Variants in EPHA10 observed in about 807,000 individuals in gnomAD.
EPHA10 encodes the protein ephrin type-A receptor 10.
EPHA10 carries 120 observed loss-of-function variants against 109.7 expected under a neutral mutation model. The ratio of observed to expected loss-of-function variants is 1.09; its 90% CI spans 0.94 to 1.27. EPHA10 has a LOEUF of 1.27. EPHA10 is among the 50% of genes most tolerant of loss of function. EPHA10 has a pLI of 0.00. For synonymous variants in EPHA10, 640 were observed against 618.9 expected (o/e 1.03, Z -0.51); for missense variants, 1,396 against 1,411.1 (o/e 0.99, Z 0.17).
Position 37,765,054 on chromosome 1 carries a change from C to A in EPHA10, c.13G>T (p.Ala5Ser), listed in dbSNP as rs779517653. The A allele has an allele frequency of 1.2e-6, 2 of 1,601,832 alleles. No individual in the cohort carries two copies. The highest frequency in any genetic ancestry group is 1.7e-6 in the Non-Finnish European group (2 of 1,176,652). METCAGPHPLRLFLC... is the reference protein window; with the variant it reads METCSGPHPLRLFLC... ...AAGAGGCGCAGCGGGTGTGGACCGG[C>A]GCAGGTCTCCATGGTCCGCAGACCG... Residue 5 changes from alanine (A) to serine (S), a missense_variant, in exon 1 of 17, where the codon GCC becomes TCC. Coordinates refer to ENST00000373048, the MANE Select transcript of EPHA10 (RefSeq NM_001099439.2).
At position 37,733,801 on chromosome 1, in the gene EPHA10, ACTCT is replaced by A. The variant is rs377178861; in HGVS notation, c.1491+1452_1491+1455del. ...TATGCTGAGAGCCCCCAACACTCTCACTCTCTCTCTCTCTCTTTCTCTCCCTTTC... is the reference window on the plus strand; with the variant it reads ...TATGCTGAGAGCCCCCAACACTCTCACTCTCTCTCTCTTTCTCTCCCTTTC... On this transcript the variant is annotated intron_variant, in intron 6 of 16. Coordinates refer to ENST00000373048, the MANE Select transcript of EPHA10 (RefSeq NM_001099439.2). Among the ~76,000 whole-genome samples, 3 of 143,986 alleles carry A rather than the reference ACTCT, an allele frequency of 2.1e-5. No homozygotes were observed. The East Asian group carries it at 6.1e-4, about 29-fold the overall frequency. The allele number at this position is 143,986 out of a possible 152,430, so 94.5% of individuals were successfully genotyped here.
chr1:37,761,869 T>C lies in EPHA10; in HGVS notation c.386A>G (p.Tyr129Cys), dbSNP rs1382706600. Reference protein sequence around the residue: ...AGTCKETFNVYYLETEADLGR... With the variant: ...AGTCKETFNVCYLETEADLGR... The stretch of plus-strand genomic sequence containing the variant: ...CAGGTCGGCCTCAGTTTCCAGGTAG[T>C]AGACGTTGAAGGTCTCCTTGCAGGT... Residue 129 changes from tyrosine to cysteine, a missense_variant, in exon 3 of 17, where the codon TAC (tyrosine) becomes TGC (cysteine). Physicochemically the swap from Tyr to Cys is radical, Grantham distance 194. Coordinates refer to ENST00000373048, the MANE Select transcript of EPHA10 (RefSeq NM_001099439.2). 1.2e-6 allele frequency: 2 copies of C among 1,612,530 alleles called. No homozygotes were observed. The highest frequency in any genetic ancestry group is 2.2e-5 in the East Asian group (1 of 44,850).
chr1:37,751,681 G>A (rs1050040128), intron 5 of EPHA10, among the ~76,000 whole-genome samples: 1 of 151,098 alleles, frequency 6.6e-6, no homozygotes, highest in Non-Finnish European at 1.5e-5. Flanking sequence ...AGACCATCCT[G>A]GCCAACATGG....
intron 16 of EPHA10, 35 bp downstream of exon 16, chr1:37,718,626 C>A (rs1359163453): frequency 1.2e-6 from 2 of 1,612,962 alleles, no homozygotes; most frequent in African/African-American, 2.7e-5. Context: ...TGGAATCCCC[C>A]AGCCCCGGCC....
Position 37,741,968 on chromosome 1 carries a change from C to T in EPHA10, c.1358-6578G>A, listed in dbSNP as rs369308115. On this transcript the variant is annotated intron_variant, in intron 5 of 16. Transcript: ENST00000373048. ...TTCTAGGAGGTGGCAAAGTTCCTTG[C>T]GAATACAGATGGGGCAGAGATGGAA... Among the ~76,000 whole-genome samples the T allele has an allele frequency of 1.4e-4, 21 of 152,112 alleles. No individual in the cohort carries two copies. The South Asian group carries it at 1.7e-3, about 12-fold the overall frequency.
chr1:37,742,092 G>T (rs1646163981), intron 5 of EPHA10, among the ~76,000 whole-genome samples: 1 of 152,232 alleles, frequency 6.6e-6, no homozygotes, highest in Admixed American at 6.5e-5. Flanking sequence ...GCTCCGAAGA[G>T]ATAATTAGAT....
Position 37,719,983 on chromosome 1 carries a change from A to G in EPHA10, c.2488T>C (p.Trp830Arg). The G allele has an allele frequency of 1.2e-6, 2 of 1,614,066 alleles. No homozygotes were observed. The highest frequency in any genetic ancestry group is 1.7e-6 in the Non-Finnish European group (2 of 1,180,026). The change falls in exon 14 of 17, where the codon TGG becomes CGG. Residue 830 changes from tryptophan to arginine, a missense_variant. Physicochemically the swap from Trp to Arg is moderately radical, Grantham distance 101 (BLOSUM62 -3). Transcript: ENST00000373048. ...TCCCACATGATGATGCCGAAGCTCC[A>G]CACGTCACTGGCAGAGCTGAAGTGG... ...FGHFSSASDV[W>R]SFGIIMWEVM...
chr1:37,719,854 G>A, intron 14 of EPHA10, 55 bp downstream of exon 14: 1 of 1,613,110 alleles, frequency 6.2e-7, no homozygotes, highest in South Asian at 1.1e-5. Context: ...TCAGGAAGCT[G>A]GGGCCTGAGC....
Position 37,718,810 on chromosome 1 carries a change from G to A in EPHA10, c.2763C>T (p.Pro921=). ...AGAAGGCACGGTCCGCTAGTGGGGT[G>A]GGAGGCCTGCGGGTCAGAGGAGCTG... ...KCALTTCPRP[P]TPLADRAFST... is the part of the protein sequence containing the mutation. Residue 921 remains proline, a synonymous_variant, in exon 16 of 17, where the codon CCC becomes CCT. Transcript: ENST00000373048. 6.2e-7 allele frequency: 1 copy of A among 1,610,774 alleles called. No individual in the cohort carries two copies. Among genetic ancestry groups the A allele is most frequent in the South Asian group, 1.1e-5 (1 of 90,810 alleles).
At chr1:37,762,108 G>A in intron 2 of EPHA10, 25 bp from the exon 3 acceptor site, 3 of 1,541,326 alleles carry the variant, frequency 1.9e-6, no homozygotes, top group Non-Finnish European at 2.6e-6. Context: ...AAAGGGGTGG[G>A]CAGCCCAGAG....
At chr1:37,722,951 A>G in intron 10 of EPHA10, 90 bp downstream of exon 10, 1 of 1,590,684 alleles carries the variant, frequency 6.3e-7, no homozygotes, top group Non-Finnish European at 8.6e-7. Flanking sequence ...GGTGGGCTTC[A>G]GGATAGAGGT....
chr1:37,718,175 C>A lies in EPHA10; in HGVS notation c.*197G>T. 1.7e-6 allele frequency: 1 copy of A among 586,540 alleles called. No homozygotes were observed. The allele number at this position is 586,540 out of a possible 1,614,324, so 36.3% of individuals were successfully genotyped here. On this transcript the variant is annotated 3_prime_UTR_variant, in exon 17 of 17. Transcript: ENST00000373048. ...CCTCTTTTCAGGGGCACTGAGTTAGCCAAGGCGTTCAGACTCGTGAAAATG... is the reference window on the plus strand; with the variant it reads ...CCTCTTTTCAGGGGCACTGAGTTAGACAAGGCGTTCAGACTCGTGAAAATG...
chr1:37,721,737 C>T lies in EPHA10; in HGVS notation c.2069G>A (p.Gly690Asp). 1 of 1,612,554 alleles carries T rather than the reference C, an allele frequency of 6.2e-7. No homozygotes were observed. The part of the protein sequence containing the change: ...RDSASDSQRL[G>D]FLAEALTLGQ... ...CAGCGTGAGGGCCTCGGCCAGGAAG[C>T]CGAGCCTCTGTGAGTCGGAGGCGCT... The change falls in exon 11 of 17, where the codon GGC becomes GAC. Residue 690 changes from glycine (G) to aspartate (D), a missense_variant. Coordinates refer to ENST00000373048, the MANE Select transcript of EPHA10 (RefSeq NM_001099439.2).
rs1557529306 is a variant in EPHA10, at chr1:37,720,516, C to T, written c.2247G>A (p.Gly749=). Residue 749 remains glycine, a synonymous_variant, in exon 13 of 17, where the codon GGG becomes GGA. Transcript: ENST00000373048. Reference sequence around the variant, plus strand: ...TGGCTGATGCCAGCCCAGGCAGCAACCCCATCAGTTGCCCAGCCACCAGCT... The same window carrying T: ...TGGCTGATGCCAGCCCAGGCAGCAATCCCATCAGTTGCCCAGCCACCAGCT... ...EGQLVAGQLM[G]LLPGLASAMK... The T allele has an allele frequency of 6.2e-7, 1 of 1,612,824 alleles. No individual in the cohort carries two copies. The highest frequency in any genetic ancestry group is 2.2e-5 in the East Asian group (1 of 44,824).
At chr1:37,760,565 G>T in intron 3 of EPHA10, 2 of 498,478 alleles carry the variant, frequency 4.0e-6, no homozygotes, top group Non-Finnish European at 5.5e-6. Context: ...CAAGTATTTG[G>T]TCCGTGACTG....
intron 6 of EPHA10, chr1:37,734,691 T>C (rs1456741223): frequency 1.1e-5 from 5 of 452,064 alleles, no homozygotes; most frequent in East Asian, 1.4e-4. Flanking sequence ...AAGTATCCTA[T>C]GGGGATCAAT....
intron 15 of EPHA10, 21 bp downstream of exon 15, chr1:37,719,393 C>T (rs760777175): frequency 3.2e-6 from 5 of 1,586,116 alleles, no homozygotes; most frequent in Admixed American, 1.8e-5. Context: ...GAGAGGCTGG[C>T]TGTCCCATGT....
At chr1:37,763,495 T>A (rs1038799294) in intron 1 of EPHA10, among the ~76,000 whole-genome samples, 6 of 152,090 alleles carry the variant, frequency 3.9e-5, no homozygotes, top group South Asian at 4.1e-4. Flanking sequence ...AAGCTAACAT[T>A]CACGGTTCTA....
Position 37,753,011 on chromosome 1 carries a change from G to A in EPHA10, c.1222C>T (p.Arg408Ter). The A allele has an allele frequency of 4.1e-6, 5 of 1,227,112 alleles. No individual in the cohort carries two copies. The highest frequency in any genetic ancestry group is 6.5e-4 in the Middle Eastern group (2 of 3,094). 76.0% of individuals were successfully genotyped at this position (1,227,112 alleles called of 1,614,324 possible). A position where few individuals can be genotyped will look rare whatever the true frequency, so the allele number is the denominator to read the frequency against. The part of the protein sequence containing the change: ...FLPRQAGLRE[R>*]AATLLHLRPG... ...CGCAGGTGCAGCAGCGTGGCGGCTC[G>A]CTCCCGCAGCCCTGCCTGGCGCGGT... Residue 408 changes from arginine (R) to a stop codon, truncating the protein, a stop_gained, in exon 5 of 17, where the codon CGA (arginine) becomes TGA (stop). Transcript: ENST00000373048. LOFTEE classifies it high-confidence loss of function.
Sources: gnomAD v4.1 joint callset for allele counts (sites outside exome capture counted in the v4.1 genomes callset) on GRCh38, gnomAD v4.1.1 for gene constraint, MANE v1.5 for transcripts, NCBI Gene and HGNC (gene_info 2026-07-23, HGNC 2026-07-21) for gene names.